LRRC7: variants seen among roughly 807,000 people sequenced by gnomAD.
LRRC7 encodes the protein leucine rich repeat containing 7, also known as leucine-rich repeat-containing protein 7.
LRRC7 carries 23 observed loss-of-function variants against 175.7 expected under a neutral mutation model. The observed-to-expected ratio is 0.13, with a 90% CI of 0.09 to 0.19. The LOEUF is 0.19. Among genes scored for constraint, LRRC7 ranks in the 10% least tolerant of loss-of-function variants. The pLI is 1.00. For synonymous variants in LRRC7, 685 were observed against 680.9 expected (o/e 1.01, Z -0.09); for missense variants, 1,354 against 1,904.7 (o/e 0.71, Z 5.38).
At chr1:69,840,095 T>C (rs1028723846) in intron 7 of LRRC7, among the ~76,000 whole-genome samples, 2 of 152,052 alleles carry the variant, frequency 1.3e-5, no homozygotes, top group Non-Finnish European at 2.9e-5. Flanking sequence ...CTGTTACAGC[T>C]TTTACACTTT....
intron 11 of LRRC7, among the ~76,000 whole-genome samples, chr1:70,010,421 C>T (rs779973868): frequency 7.9e-5 from 12 of 152,044 alleles, no homozygotes; most frequent in South Asian, 2.1e-4. Context: ...CAAAAATTAG[C>T]TGGGCGTGGT....
At chr1:69,790,292 A>G (rs1184135809) in intron 3 of LRRC7, among the ~76,000 whole-genome samples, 2 of 152,010 alleles carry the variant, frequency 1.3e-5, no homozygotes, top group African/African-American at 2.4e-5. Flanking sequence ...CACATACCAT[A>G]TTCTTAGCTT....
intron 24 of LRRC7, among the ~76,000 whole-genome samples, chr1:70,079,052 T>G (rs1571263260): frequency 1.3e-5 from 2 of 152,350 alleles, no homozygotes; most frequent in East Asian, 3.9e-4. Context: ...ATTTCATGTG[T>G]GTTTTACTTT....
chr1:70,143,971 A>G lies in LRRC7; in HGVS notation c.*22084A>G, dbSNP rs1271704401. 2.6e-5 allele frequency: 4 copies of G among 152,186 alleles called. No individual in the cohort carries two copies. Among genetic ancestry groups the G allele is most frequent in the Non-Finnish European group, 4.4e-5 (3 of 68,030 alleles). The allele number at this position is 152,186 out of a possible 1,614,324, so 9.4% of individuals were successfully genotyped here. The stretch of plus-strand genomic sequence containing the variant: ...ACTACTTTATTAACATAGATCGTGA[A>G]TGTACTTACTGGTTTTTTTGCAGTA... On this transcript the variant is annotated 3_prime_UTR_variant, in exon 27 of 27. Coordinates refer to ENST00000651989, the MANE Select transcript of LRRC7 (RefSeq NM_001370785.2).
chr1:70,037,876 G>T (rs2102022475), intron 20 of LRRC7, among the ~76,000 whole-genome samples: 1 of 152,186 alleles, frequency 6.6e-6, no homozygotes, highest in East Asian at 1.9e-4. Context: ...ACACGTAATA[G>T]ATAAGTAAAT....
chr1:70,096,121 G>C (rs1664373799), intron 25 of LRRC7, among the ~76,000 whole-genome samples: 1 of 152,078 alleles, frequency 6.6e-6, no homozygotes, highest in South Asian at 2.1e-4. Context: ...GGGACTACAG[G>C]CACCCGCCAC....
At chr1:69,903,254 T>A (rs1646189933) in intron 7 of LRRC7, among the ~76,000 whole-genome samples, 1 of 152,180 alleles carries the variant, frequency 6.6e-6, no homozygotes, top group African/African-American at 2.4e-5. Flanking sequence ...GCAGGTGATT[T>A]CTGCATTTCC....
intron 1 of LRRC7, among the ~76,000 whole-genome samples, chr1:69,642,589 A>G (rs1654374189): frequency 6.6e-6 from 1 of 151,964 alleles, no homozygotes; most frequent in Non-Finnish European, 1.5e-5. Flanking sequence ...GTGCCTCTCA[A>G]ACACACTCAA....
rs1666628360 is a variant in LRRC7, at chr1:70,130,711, T to G, written c.*8824T>G. ...ATCCTTTTGATTTGATTGGGTTTCC[T>G]TTCTCTTTGAGAAGAAGTCATGCAC... On this transcript the variant is annotated 3_prime_UTR_variant, in exon 27 of 27. Coordinates refer to ENST00000651989, the MANE Select transcript of LRRC7 (RefSeq NM_001370785.2). 6.6e-6 allele frequency among the ~76,000 whole-genome samples: 1 copy of G among 152,216 alleles called. No homozygotes were observed.
chr1:69,842,165 G>A (rs940237998), intron 7 of LRRC7, among the ~76,000 whole-genome samples: 1 of 151,928 alleles, frequency 6.6e-6, no homozygotes, highest in Non-Finnish European at 1.5e-5. Flanking sequence ...TATATGTCAA[G>A]ATAAAAATGA....
At chr1:69,845,592 A>G (rs1221166425) in intron 7 of LRRC7, among the ~76,000 whole-genome samples, 1 of 152,118 alleles carries the variant, frequency 6.6e-6, no homozygotes, top group Non-Finnish European at 1.5e-5. Context: ...AAGAAAGCTC[A>G]TAGATTAATA....
chr1:70,102,361 G>T (rs547228269), intron 25 of LRRC7, among the ~76,000 whole-genome samples: 8 of 152,102 alleles, frequency 5.3e-5, no homozygotes, highest in South Asian at 2.1e-4. Context: ...CCCCTTATTT[G>T]TTAGGAATTC....
rs555947500 is a variant in LRRC7, at chr1:69,796,597, C to G, written c.421+4437C>G. ...GTCGGGAGTTCGAGACCAGCCTAGC[C>G]AACATGGAGAAGCCCTGCCTCTACT... On this transcript the variant is annotated intron_variant, in intron 4 of 26. Transcript: ENST00000651989. 1.3e-4 allele frequency among the ~76,000 whole-genome samples: 20 copies of G among 152,124 alleles called. No homozygotes were observed. The South Asian group carries it at 4.2e-3, about 32-fold the overall frequency.
intron 1 of LRRC7, among the ~76,000 whole-genome samples, chr1:69,600,081 T>G (rs1442246705): frequency 6.6e-6 from 1 of 152,132 alleles, no homozygotes; most frequent in East Asian, 1.9e-4. Flanking sequence ...TTAAAAAAAT[T>G]TATTAAATTT....
intron 8 of LRRC7, among the ~76,000 whole-genome samples, chr1:69,946,577 T>C (rs937901594): frequency 6.6e-6 from 1 of 152,156 alleles, no homozygotes; most frequent in Non-Finnish European, 1.5e-5. Flanking sequence ...TATTTAGATA[T>C]TCTGATATCG....
rs955204276 is a variant in LRRC7 at position 70,141,072 on chromosome 1, C to T, written c.*19185C>T. 6.6e-6 allele frequency among the ~76,000 whole-genome samples: 1 copy of T among 152,010 alleles called. No individual in the cohort carries two copies. Among genetic ancestry groups the T allele is most frequent in the Non-Finnish European group, 1.5e-5 (1 of 67,960 alleles). On this transcript the variant is annotated 3_prime_UTR_variant, in exon 27 of 27. Transcript: ENST00000651989. ...TTTCCTCTAATGAGTAGTTAAGTGG[C>T]ACAGGAGGAGAGGCCAAGGAGTCAT...
At chr1:69,602,169 C>CAATTA (rs1228058691) in intron 1 of LRRC7, among the ~76,000 whole-genome samples, 1 of 152,198 alleles carries the variant, frequency 6.6e-6, no homozygotes. Context: ...CCCAGATGCT[C>CAATTA]TGTCTTCTGT....
chr1:69,672,708 G>T (rs1257185345), intron 1 of LRRC7, among the ~76,000 whole-genome samples: 1 of 152,092 alleles, frequency 6.6e-6, no homozygotes. Context: ...ATTTCAACTA[G>T]ATTTTCATGC....
intron 1 of LRRC7, among the ~76,000 whole-genome samples, chr1:69,631,490 T>C (rs1652486844): frequency 6.6e-6 from 1 of 152,068 alleles, no homozygotes; most frequent in African/African-American, 2.4e-5. Context: ...GATGTCATCT[T>C]GATGATTGTG....
Sources: gnomAD v4.1 joint callset for allele counts (sites outside exome capture counted in the v4.1 genomes callset) on GRCh38, gnomAD v4.1.1 for gene constraint, MANE v1.5 for transcripts, NCBI Gene and HGNC (gene_info 2026-07-23, HGNC 2026-07-21) for gene names.